Variants in CCN6 observed in about 807,000 individuals in gnomAD.
CCN6 encodes the protein cellular communication network factor 6.
Under a neutral mutation model 37.4 loss-of-function variants are expected in CCN6, and 31 were observed. That is an observed-to-expected ratio of 0.83 (90% confidence interval 0.62 to 1.12). The LOEUF (loss-of-function observed/expected upper bound fraction) is 1.12. CCN6 is among the 50% of genes most tolerant of loss of function. CCN6 has a pLI of 0.00. For missense variants in CCN6, 369 were observed against 413.8 expected, an observed-to-expected ratio of 0.89 and a Z score of 0.94; for synonymous variants, 137 against 142.1, an observed-to-expected ratio of 0.96 and a Z score of 0.26.
At position 112,069,457 on chromosome 6, in the gene CCN6, A is replaced by G. The variant is rs1393380429; in HGVS notation, c.902A>G (p.Asp301Gly). The change falls in exon 5 of 5, where the codon GAT (aspartate) becomes GGT (glycine). Residue 301 changes from aspartate to glycine, a missense_variant. Asp to Gly is a moderately conservative substitution (Grantham distance 94). Transcript: ENST00000368666. ...YKPTFCGICL[D>G]KRCCIPNKSK... ...CCCACTTTTTGTGGAATATGCTTGGATAAGAGATGCTGTATCCCTAATAAG... is the reference window on the plus strand; with the variant it reads ...CCCACTTTTTGTGGAATATGCTTGGGTAAGAGATGCTGTATCCCTAATAAG... The G allele has an allele frequency of 2.5e-6, 4 of 1,613,680 alleles. No individual in the cohort carries two copies. Among genetic ancestry groups the G allele is most frequent in the Admixed American group, 1.7e-5 (1 of 59,978 alleles).
At chr6:112,061,899 CA>C (rs1272496655) in intron 2 of CCN6, among the ~76,000 whole-genome samples, 1 of 152,134 alleles carries the variant, frequency 6.6e-6, no homozygotes, top group African/African-American at 2.4e-5. Flanking sequence ...TAGGATTAAA[CA>C]AATAAAATTT....
chr6:112,062,444 A>G (rs960112204), intron 2 of CCN6, among the ~76,000 whole-genome samples: 3 of 152,254 alleles, frequency 2.0e-5, no homozygotes, highest in African/African-American at 7.2e-5. Flanking sequence ...CACTGTGGCC[A>G]GCAACTGAGG....
chr6:112,066,840 C>A (rs1390854661), intron 3 of CCN6: 1 of 654,726 alleles, frequency 1.5e-6, no homozygotes, highest in Non-Finnish European at 2.3e-6. Context: ...AAACACTAAG[C>A]TTTGTTTAAA....
intron 3 of CCN6, among the ~76,000 whole-genome samples, chr6:112,067,520 TTC>T (rs1467897651): frequency 6.6e-6 from 1 of 152,144 alleles, no homozygotes; most frequent in Non-Finnish European, 1.5e-5. Flanking sequence ...GATCCATCCA[TTC>T]TGTTTTTTCA....
chr6:112,059,890 TA>T lies in CCN6; in HGVS notation c.49-1099del. 9 of 1,230,826 alleles carry T rather than the reference TA, an allele frequency of 7.3e-6. No homozygotes were observed. The South Asian group carries it at 1.2e-4, about 17-fold the overall frequency. The allele number at this position is 1,230,826 out of a possible 1,614,324, so 76.2% of individuals were successfully genotyped here. ...GTAAACAACTGAAATGTGTAGGTAATAAGAAAGGTGGTAAACTCTACGGTGA... is the reference window on the plus strand; with the variant it reads ...GTAAACAACTGAAATGTGTAGGTAATAGAAAGGTGGTAAACTCTACGGTGA... On this transcript the variant is annotated intron_variant, in intron 1 of 4. Transcript: ENST00000368666.
chr6:112,054,889 A>G lies in CCN6; in HGVS notation c.48+484A>G, dbSNP rs894873309. The G allele has an allele frequency of 2.0e-5, 4 of 196,634 alleles. No homozygotes were observed. In the South Asian group the frequency reaches 2.8e-4, roughly 14 times the overall value. 12.2% of individuals were successfully genotyped at this position (196,634 alleles called of 1,614,324 possible). A position where few individuals can be genotyped will look rare whatever the true frequency, so the allele number is the denominator to read the frequency against. On this transcript the variant is annotated intron_variant, in intron 1 of 4. Transcript: ENST00000368666. ...TTGGAATAAACATTTACATTTTTAA[A>G]ACATTCTCTTACTTTGTCTTTTCTC...
upstream of CCN6, among the ~76,000 whole-genome samples, chr6:112,053,330 C>T (rs1407910839): frequency 6.7e-6 from 1 of 149,422 alleles, no homozygotes; most frequent in Non-Finnish European, 1.5e-5. Context: ...AATTCTCACT[C>T]TTGTCCCCCA....
chr6:112,056,669 C>T (rs1776356964), intron 1 of CCN6, among the ~76,000 whole-genome samples: 1 of 152,274 alleles, frequency 6.6e-6, no homozygotes, highest in African/African-American at 2.4e-5. Context: ...GTGCACGCCA[C>T]CACACCTGGC....
At chr6:112,055,629 G>C (rs371899509) in intron 1 of CCN6, among the ~76,000 whole-genome samples, 1 of 151,120 alleles carries the variant, frequency 6.6e-6, no homozygotes, top group Admixed American at 6.6e-5. Flanking sequence ...TTGCTCTGTC[G>C]TTCCAGGCTG....
intron 3 of CCN6, among the ~76,000 whole-genome samples, chr6:112,065,576 A>G (rs1474963007): frequency 1.5e-5 from 2 of 133,240 alleles, no homozygotes; most frequent in African/African-American, 2.8e-5. Context: ...ACACACACAC[A>G]AACACACACA....
intron 3 of CCN6, among the ~76,000 whole-genome samples, chr6:112,067,231 C>T (rs1197545975): frequency 6.6e-6 from 1 of 151,394 alleles, no homozygotes. Flanking sequence ...AGTAATATAG[C>T]CAGAATTTTG....
At chr6:112,065,045 C>T in intron 3 of CCN6, 48 bp downstream of exon 3, 5 of 1,611,994 alleles carry the variant, frequency 3.1e-6, no homozygotes, top group Non-Finnish European at 4.2e-6. Flanking sequence ...GGTGGTATTC[C>T]TTCATGTTCC....
intron 1 of CCN6, among the ~76,000 whole-genome samples, chr6:112,057,713 T>C (rs1776389293): frequency 6.6e-6 from 1 of 152,108 alleles, no homozygotes; most frequent in Non-Finnish European, 1.5e-5. Flanking sequence ...GAAACTTGCA[T>C]AGGATGAAAA....
Position 112,064,981 on chromosome 6 carries a change from C to G in CCN6, c.573C>G (p.Ser191Arg). Residue 191 changes from serine to arginine, a missense_variant, in exon 3 of 5, where the codon AGC (serine) becomes AGG (arginine). Ser to Arg is a moderately radical substitution (Grantham distance 110, BLOSUM62 -1). Coordinates refer to ENST00000368666, the MANE Select transcript of CCN6 (RefSeq NM_198239.2). Reference sequence around the variant, plus strand: ...CATTACTACAGCAGCTTTCAACAAGCTACAAAACAATGCCAGGTGCTCAGA... The same window carrying G: ...CATTACTACAGCAGCTTTCAACAAGGTACAAAACAATGCCAGGTGCTCAGA... ...LEPLLQQLST[S>R]YKTMPAYRNL... The G allele has an allele frequency of 6.2e-7, 1 of 1,613,976 alleles. No homozygotes were observed. The highest frequency in any genetic ancestry group is 1.1e-5 in the South Asian group (1 of 91,078).
intron 3 of CCN6, 95 bp from the exon 4 acceptor site, chr6:112,068,110 C>A: frequency 3.8e-6 from 4 of 1,063,848 alleles, no homozygotes; most frequent in Non-Finnish European, 1.3e-6. Context: ...TACAAAAATA[C>A]TCAGATTTCT....
At chr6:112,062,104 T>C (rs782285051) in intron 2 of CCN6, among the ~76,000 whole-genome samples, 1 of 152,192 alleles carries the variant, frequency 6.6e-6, no homozygotes, top group Non-Finnish European at 1.5e-5. Context: ...TATTGTATGG[T>C]TAAAAATGTG....
At position 112,069,648 on chromosome 6, in the gene CCN6, C is replaced by T; in HGVS notation, c.*28C>T. 3 of 1,612,496 alleles carry T rather than the reference C, an allele frequency of 1.9e-6. No homozygotes were observed. Among genetic ancestry groups the T allele is most frequent in the East Asian group, 4.5e-5 (2 of 44,786 alleles). ...CCAAGCAAATGGGGGAAAAGTTAGT[C>T]AATCCTGTCATATAATAAAAAAATT... On this transcript the variant is annotated 3_prime_UTR_variant, in exon 5 of 5. Transcript: ENST00000368666.
At chr6:112,067,281 C>A (rs983736176) in intron 3 of CCN6, among the ~76,000 whole-genome samples, 1 of 152,034 alleles carries the variant, frequency 6.6e-6, no homozygotes, top group Non-Finnish European at 1.5e-5. Context: ...CCAAAGCATC[C>A]ATTTCAAGAT....
intron 4 of CCN6, 128 bp downstream of exon 4, chr6:112,068,526 A>C (rs1776769452): frequency 1.7e-5 from 15 of 880,134 alleles, no homozygotes; most frequent in Non-Finnish European, 2.4e-5. Flanking sequence ...TATAATGCTT[A>C]AAGTCAAACT....
Sources: allele counts gnomAD v4.1 joint callset (sites outside exome capture counted in the v4.1 genomes callset), GRCh38; gene constraint gnomAD v4.1.1; transcripts MANE v1.5; gene names NCBI Gene and HGNC (gene_info 2026-07-23, HGNC 2026-07-21).